IKZF4: variants seen among roughly 807,000 people sequenced by gnomAD.
The protein encoded by IKZF4 is zinc finger protein Eos.
Under a neutral mutation model 47.7 loss-of-function variants are expected in IKZF4, and 11 were observed. The ratio of observed to expected loss-of-function variants is 0.23; its 90% CI spans 0.15 to 0.38. The LOEUF is 0.38. Among genes scored for constraint, IKZF4 ranks in the 10% least tolerant of loss-of-function variants. IKZF4 has a pLI of 1.00. For missense variants in IKZF4, 557 were observed against 784.9 expected (o/e 0.71, Z 3.47); for synonymous variants, 298 against 299.4 (o/e 1.00, Z 0.05).
chr12:56,027,994 C>G (rs1894289356), intron 5 of IKZF4, 47 bp downstream of exon 5: 1 of 1,501,476 alleles, frequency 6.7e-7, no homozygotes, highest in South Asian at 1.4e-5. Flanking sequence ...CCAACACACC[C>G]AGTATGTAGA....
At position 56,035,466 on chromosome 12, in the gene IKZF4, AC is replaced by A; in HGVS notation, c.*139del. 1 of 758,554 alleles carries A rather than the reference AC, an allele frequency of 1.3e-6. No homozygotes were observed. 47.0% of individuals were successfully genotyped at this position (758,554 alleles called of 1,614,324 possible). Reference sequence around the variant, plus strand: ...CCACCTGACCTCACACCTGACCCTGACCCCTCCTCACCTATTCTCTTCCTCT... The same window carrying A: ...CCACCTGACCTCACACCTGACCCTGACCCTCCTCACCTATTCTCTTCCTCT... On this transcript the variant is annotated 3_prime_UTR_variant, in exon 8 of 8. Transcript: ENST00000547167. The surrounding 1 kb of genome is among the most constrained non-coding windows in gnomAD (Gnocchi z 6.1).
chr12:56,027,214 G>A (rs1894170197), intron 4 of IKZF4, among the ~76,000 whole-genome samples, 173 bp downstream of exon 4: 1 of 151,900 alleles, frequency 6.6e-6, no homozygotes, highest in South Asian at 2.1e-4. Context: ...ACGAGGCAGG[G>A]TGGGGGTGGG....
rs754786374 is a variant in IKZF4, at chr12:56,021,519, G to A, written c.26G>A (p.Arg9His). Reference protein sequence around the residue: MHTPPALPRRFQGGGRVRT... With the variant: MHTPPALPHRFQGGGRVRT... ...ATGCATACACCACCCGCACTCCCTC[G>A]CCGTTTCCAAGGCGGCGGCCGCGTT... Residue 9 changes from arginine (R) to histidine (H), a missense_variant, in exon 1 of 8, where the codon CGC becomes CAC. Physicochemically the swap from Arg to His is conservative, Grantham distance 29. Around this residue, in one of 6 missense-constraint regions of IKZF4, gnomAD observed 44 missense variants for 39.7 expected, o/e 1.11. Coordinates refer to ENST00000547167, the MANE Select transcript of IKZF4 (RefSeq NM_022465.4). 56 of 1,607,528 alleles carry A rather than the reference G, an allele frequency of 3.5e-5. No homozygotes were observed. Among genetic ancestry groups the A allele is most frequent in the Non-Finnish European group, 4.5e-5 (53 of 1,177,646 alleles).
At chr12:56,013,281 TG>T (rs1443397019) in intron 2 of IKZF4, among the ~76,000 whole-genome samples, 2 of 152,060 alleles carry the variant, frequency 1.3e-5, no homozygotes, top group Non-Finnish European at 2.9e-5. Flanking sequence ...CTCCAACCTC[TG>T]CCTCCGGGGT....
chr12:56,021,658 C>G, intron 1 of IKZF4, 78 bp downstream of exon 1: 1 of 1,535,418 alleles, frequency 6.5e-7, no homozygotes, highest in Non-Finnish European at 8.8e-7. Flanking sequence ...GTAACTACTC[C>G]CAAGCCTGAG....
intron 1 of IKZF4, chr12:56,011,254 C>A (rs1014768571): frequency 6.6e-6 from 1 of 152,128 alleles, no homozygotes; most frequent in Non-Finnish European, 1.5e-5. Context: ...GGGGTACACC[C>A]AAAAACCCCA....
intron 7 of IKZF4, 58 bp from the exon 8 acceptor site, chr12:56,034,513 C>T: frequency 1.3e-6 from 2 of 1,501,860 alleles, no homozygotes; most frequent in Non-Finnish European, 1.8e-6. Flanking sequence ...AGAAGTAATC[C>T]TGAGGAGAGT....
chr12:56,029,120 G>A (rs1446529946), intron 5 of IKZF4, among the ~76,000 whole-genome samples: 2 of 152,068 alleles, frequency 1.3e-5, no homozygotes, highest in Non-Finnish European at 1.5e-5. Context: ...GCAAAAAAGG[G>A]AGCCTAGGAC....
At chr12:56,016,651 C>T (rs765457761), upstream of IKZF4, among the ~76,000 whole-genome samples, 1 of 152,034 alleles carries the variant, frequency 6.6e-6, no homozygotes, top group Admixed American at 6.5e-5. Context: ...GGCTGGAGTG[C>T]AACGGCGTGA....
chr12:56,015,487 C>T (rs1011939968), intron 2 of IKZF4, among the ~76,000 whole-genome samples: 2 of 152,008 alleles, frequency 1.3e-5, no homozygotes, highest in Non-Finnish European at 2.9e-5. Flanking sequence ...ACCTACACCT[C>T]CCCGGTTCAA....
chr12:56,023,909 T>C, intron 2 of IKZF4, 145 bp downstream of exon 2: 3 of 1,476,674 alleles, frequency 2.0e-6, no homozygotes, highest in Non-Finnish European at 2.7e-6. Context: ...CACACATCCA[T>C]GCATGTTCAT....
chr12:56,017,389 T>C (rs1254366477), upstream of IKZF4, among the ~76,000 whole-genome samples: 1 of 151,958 alleles, frequency 6.6e-6, no homozygotes, highest in Non-Finnish European at 1.5e-5. Context: ...TCTTCTCCTT[T>C]TCCTGTCACC....
At chr12:56,014,621 GACTT>G (rs1891771431) in intron 2 of IKZF4, among the ~76,000 whole-genome samples, 5 of 152,190 alleles carry the variant, frequency 3.3e-5, no homozygotes, top group Middle Eastern at 6.8e-3. Context: ...AGGAAAAGAT[GACTT>G]ACCTGATGTT....
In IKZF4 at chr12:56,026,847, G is replaced by A. The variant is rs1010328355; in HGVS notation, c.353G>A (p.Arg118Gln). 1.4e-5 allele frequency: 22 copies of A among 1,612,210 alleles called. No individual in the cohort carries two copies. Among genetic ancestry groups the A allele is most frequent in the Middle Eastern group, 1.7e-4 (1 of 6,060 alleles). ...ESSRLLGPDERLLEKDDSVIV... is the reference protein window; with the variant it reads ...ESSRLLGPDEQLLEKDDSVIV... ...AGCAGACTGCTGGGGCCAGATGAGCGGCTCCTGGAAAAGGACGACAGCGTG... is the reference window on the plus strand; with the variant it reads ...AGCAGACTGCTGGGGCCAGATGAGCAGCTCCTGGAAAAGGACGACAGCGTG... The change falls in exon 4 of 8, where the codon CGG becomes CAG. Residue 118 changes from arginine to glutamine, a missense_variant. By Grantham distance (43) the Arg-to-Gln change is conservative. Coordinates refer to ENST00000547167, the MANE Select transcript of IKZF4 (RefSeq NM_022465.4).
At chr12:56,023,808 G>A (rs1893482839) in intron 2 of IKZF4, 44 bp downstream of exon 2, 1 of 1,597,322 alleles carries the variant, frequency 6.3e-7, no homozygotes, top group Non-Finnish European at 8.5e-7. Context: ...GTACTAATAG[G>A]TGGACTTCAG....
In IKZF4 at chr12:56,032,736, G is replaced by A. The variant is rs767643041; in HGVS notation, c.865+26G>A. 7 of 1,613,418 alleles carry A rather than the reference G, an allele frequency of 4.3e-6. No homozygotes were observed. The South Asian group carries it at 7.7e-5, about 18-fold the overall frequency. On this transcript the variant is annotated intron_variant, in intron 6 of 7. Coordinates refer to ENST00000547167, the MANE Select transcript of IKZF4 (RefSeq NM_022465.4). ...GTAGGGCTATTGATGTACTACTGGG[G>A]AGTTAAAAGGGGATGGTGAGAGGGA... is the stretch of plus-strand genomic sequence containing the variant.
intron 2 of IKZF4, among the ~76,000 whole-genome samples, chr12:56,024,255 A>C (rs1255570866): frequency 6.6e-6 from 1 of 152,212 alleles, no homozygotes; most frequent in Non-Finnish European, 1.5e-5. Flanking sequence ...ACGTGATTGG[A>C]ATCAGATCAG....
At chr12:56,024,928 C>G in intron 2 of IKZF4, 126 bp from the exon 3 acceptor site, 1 of 1,528,486 alleles carries the variant, frequency 6.5e-7, no homozygotes, top group Non-Finnish European at 8.8e-7. Context: ...GCATACAACA[C>G]TGCTTTGTAC....
At chr12:56,014,839 G>GGTTT (rs1891811804) in intron 2 of IKZF4, among the ~76,000 whole-genome samples, 1 of 152,124 alleles carries the variant, frequency 6.6e-6, no homozygotes, top group Non-Finnish European at 1.5e-5. Flanking sequence ...ACCCATGAAG[G>GGTTT]CCTTGAGTAG....
Sources: allele counts gnomAD v4.1 joint callset (sites outside exome capture counted in the v4.1 genomes callset), GRCh38; gene constraint gnomAD v4.1.1; regional missense constraint gnomAD v4.1.1; non-coding constraint Gnocchi (gnomAD v3.1); transcripts MANE v1.5; gene names NCBI Gene and HGNC (gene_info 2026-07-23, HGNC 2026-07-21).